Variants in ZMIZ1 observed in about 807,000 individuals in gnomAD.
ZMIZ1 encodes the protein zinc finger MIZ-type containing 1.
In ZMIZ1, 17 loss-of-function variants were observed where a neutral mutation model predicts 113.9. The observed-to-expected ratio is 0.15, with a 90% CI of 0.10 to 0.22. The LOEUF (loss-of-function observed/expected upper bound fraction) is 0.22. ZMIZ1 is among the 10% of genes least tolerant of loss of function. The probability of loss-of-function intolerance (pLI) is 1.00; values close to 1 mark genes in which losing one functional copy is unlikely to be tolerated. For synonymous variants in ZMIZ1, 607 were observed against 603.1 expected (o/e 1.01, Z -0.09); for missense variants, 1,059 against 1,477.8 (o/e 0.72, Z 4.65).
At chr10:79,074,585 C>T (rs139729592) in intron 1 of ZMIZ1, among the ~76,000 whole-genome samples, 1 of 152,218 alleles carries the variant, frequency 6.6e-6, no homozygotes, top group Admixed American at 6.5e-5. Flanking sequence ...GTGTTTCCAG[C>T]CCCCCGGGTC....
intron 1 of ZMIZ1, among the ~76,000 whole-genome samples, chr10:79,115,649 G>C (rs1281622590): frequency 1.3e-5 from 2 of 152,246 alleles, no homozygotes; most frequent in Non-Finnish European, 2.9e-5. Context: ...GATGACACTG[G>C]GGGGAACTGA....
At chr10:79,134,942 C>T (rs1844936040) in intron 2 of ZMIZ1, among the ~76,000 whole-genome samples, 1 of 152,064 alleles carries the variant, frequency 6.6e-6, no homozygotes, top group African/African-American at 2.4e-5. Context: ...TCTCAGCCTC[C>T]CGAGTAGCTG....
intron 4 of ZMIZ1, among the ~76,000 whole-genome samples, chr10:79,195,049 T>C (rs1349117241): frequency 2.6e-5 from 4 of 152,180 alleles, no homozygotes; most frequent in Admixed American, 2.6e-4. Flanking sequence ...TGGGCTGCCC[T>C]GGAAGAACAG....
intron 8 of ZMIZ1, among the ~76,000 whole-genome samples, chr10:79,279,595 T>G (rs1480755246): frequency 6.6e-6 from 1 of 152,130 alleles, no homozygotes; most frequent in African/African-American, 2.4e-5. Context: ...CTCGGCACTT[T>G]GGGAGGCCAA....
intron 7 of ZMIZ1, chr10:79,243,686 G>T (rs1564546423): frequency 9.8e-6 from 3 of 307,018 alleles, no homozygotes; most frequent in South Asian, 2.2e-5. Flanking sequence ...CGCCGGCCGG[G>T]CCCCAAGCCC....
intron 7 of ZMIZ1, among the ~76,000 whole-genome samples, chr10:79,273,839 A>G (rs1429034802): frequency 6.6e-6 from 1 of 152,254 alleles, no homozygotes; most frequent in African/African-American, 2.4e-5. Flanking sequence ...AATGGCATTC[A>G]TTGACAGCTG....
chr10:79,213,821 A>G (rs1053276011), intron 6 of ZMIZ1, among the ~76,000 whole-genome samples: 2 of 152,202 alleles, frequency 1.3e-5, no homozygotes, highest in African/African-American at 4.8e-5. Flanking sequence ...GGTGTTGTTC[A>G]ACCTCTTTCC....
intron 2 of ZMIZ1, among the ~76,000 whole-genome samples, chr10:79,126,774 G>C (rs540446703): frequency 6.6e-6 from 1 of 152,228 alleles, no homozygotes; most frequent in Non-Finnish European, 1.5e-5. Flanking sequence ...AGCCACAGCA[G>C]GGAAGTGCCT....
intron 7 of ZMIZ1, among the ~76,000 whole-genome samples, chr10:79,221,457 C>T (rs1570849): frequency 0.073 from 11,153 of 152,258 alleles, 597 homozygotes; most frequent in South Asian, 0.16. Context: ...TCACCAGGCC[C>T]CCTCCCTCCT....
chr10:79,316,088 G>A lies in ZMIZ1; in HGVS notation c.*3339G>A, dbSNP rs967346217. 8 of 152,746 alleles carry A rather than the reference G, an allele frequency of 5.2e-5. No individual in the cohort carries two copies. In the South Asian group the frequency reaches 6.2e-4, roughly 12 times the overall value. 9.5% of individuals were successfully genotyped at this position (152,746 alleles called of 1,614,324 possible). On this transcript the variant is annotated 3_prime_UTR_variant, in exon 25 of 25. Transcript: ENST00000334512. ...TGCTATGGAAATAATGAAAAGAAACGGGGATTTCAGAAGAAAATTGTAACC... is the reference window on the plus strand; with the variant it reads ...TGCTATGGAAATAATGAAAAGAAACAGGGATTTCAGAAGAAAATTGTAACC...
chr10:79,133,940 A>G (rs1844881898), intron 2 of ZMIZ1, among the ~76,000 whole-genome samples: 1 of 152,256 alleles, frequency 6.6e-6, no homozygotes, highest in Non-Finnish European at 1.5e-5. Context: ...GCTAATTAAA[A>G]AGAGAGAAAC....
intron 8 of ZMIZ1, among the ~76,000 whole-genome samples, chr10:79,282,292 T>C (rs751475780): frequency 1.3e-5 from 2 of 152,216 alleles, no homozygotes; most frequent in African/African-American, 2.4e-5. Flanking sequence ...GAAGCTCTTT[T>C]TGCCTTTTCA....
intron 3 of ZMIZ1, among the ~76,000 whole-genome samples, chr10:79,151,690 C>T (rs1845716145): frequency 1.3e-5 from 2 of 152,200 alleles, no homozygotes; most frequent in African/African-American, 4.8e-5. Context: ...CCTCTGGTGC[C>T]CCTGAGTCCC....
At chr10:79,070,468 GAC>G (rs1842227653) in intron 1 of ZMIZ1, among the ~76,000 whole-genome samples, 1 of 143,670 alleles carries the variant, frequency 7.0e-6, no homozygotes, top group South Asian at 2.5e-4. Flanking sequence ...GGGTTTAAAA[GAC>G]ACTCCAGGAA....
intron 7 of ZMIZ1, among the ~76,000 whole-genome samples, chr10:79,246,885 G>A (rs1850237341): frequency 6.6e-6 from 1 of 152,242 alleles, no homozygotes. Context: ...CCTGCCCCAA[G>A]GTCACATGGC....
chr10:79,189,573 C>T (rs1847511124), intron 4 of ZMIZ1, among the ~76,000 whole-genome samples: 1 of 152,208 alleles, frequency 6.6e-6, no homozygotes, highest in Admixed American at 6.5e-5. Flanking sequence ...TGCCCCAGGG[C>T]ACAGAAGCCA....
At chr10:79,079,615 G>A (rs1437578140) in intron 1 of ZMIZ1, among the ~76,000 whole-genome samples, 1 of 151,604 alleles carries the variant, frequency 6.6e-6, no homozygotes, top group Non-Finnish European at 1.5e-5. Context: ...ACTTGACCAA[G>A]GCCACAGGGC....
At chr10:79,299,640 G>C (rs1854156284) in intron 16 of ZMIZ1, among the ~76,000 whole-genome samples, 1 of 152,262 alleles carries the variant, frequency 6.6e-6, no homozygotes, top group African/African-American at 2.4e-5. Flanking sequence ...CAGGGCTGCT[G>C]CTCAGACACT....
intron 3 of ZMIZ1, among the ~76,000 whole-genome samples, chr10:79,146,059 G>C (rs901543337): frequency 6.6e-6 from 1 of 152,184 alleles, no homozygotes; most frequent in Admixed American, 6.5e-5. Flanking sequence ...CATTTTTTGC[G>C]GCCTTCCTGA....
Sources: gnomAD v4.1 joint callset for allele counts (sites outside exome capture counted in the v4.1 genomes callset) on GRCh38, gnomAD v4.1.1 for gene constraint, MANE v1.5 for transcripts, NCBI Gene and HGNC (gene_info 2026-07-23, HGNC 2026-07-21) for gene names.